NRG1: variants seen among roughly 807,000 people sequenced by gnomAD.
The protein encoded by NRG1 is neuregulin 1, also known as pro-neuregulin-1, membrane-bound isoform.
A neutral mutation model predicts 63.8 loss-of-function variants in NRG1; 18 were observed. That is an observed-to-expected ratio of 0.28 (90% CI 0.19 to 0.42). The LOEUF (loss-of-function observed/expected upper bound fraction) is 0.42. NRG1 is among the 10% of genes least tolerant of loss of function. The probability of loss-of-function intolerance (pLI) is 1.00; values close to 1 mark genes in which losing one functional copy is unlikely to be tolerated. For synonymous variants in NRG1, 302 were observed against 301.3 expected, an observed-to-expected ratio of 1.00 and a Z score of -0.02; for missense variants, 762 against 814.7, an observed-to-expected ratio of 0.94 and a Z score of 0.79.
At chr8:32,441,018 T>C (rs1819461890) in intron 1 of NRG1, among the ~76,000 whole-genome samples, 1 of 151,948 alleles carries the variant, frequency 6.6e-6, no homozygotes, top group African/African-American at 2.4e-5. Context: ...ACTCATTAAT[T>C]ACAGTTAAAT....
At chr8:32,082,817 A>T (rs1013989363) in intron 1 of NRG1, among the ~76,000 whole-genome samples, 2 of 152,128 alleles carry the variant, frequency 1.3e-5, no homozygotes, top group East Asian at 3.9e-4. Context: ...GTACAGTCAC[A>T]TTGTATATTA....
intron 1 of NRG1, among the ~76,000 whole-genome samples, chr8:32,458,633 T>C (rs1285340893): frequency 6.6e-6 from 1 of 151,320 alleles, no homozygotes; most frequent in African/African-American, 2.4e-5. Flanking sequence ...TCATACCTCT[T>C]TATGCTTTTA....
At chr8:32,296,833 T>C (rs1854941934) in intron 1 of NRG1, among the ~76,000 whole-genome samples, 1 of 152,124 alleles carries the variant, frequency 6.6e-6, no homozygotes, top group Non-Finnish European at 1.5e-5. Context: ...AACATATTTA[T>C]AGGCCGGGTG....
chr8:32,426,307 A>C (rs567640328), intron 1 of NRG1, among the ~76,000 whole-genome samples: 13 of 152,314 alleles, frequency 8.5e-5, no homozygotes, highest in African/African-American at 3.1e-4. Flanking sequence ...GTATGAATAA[A>C]GTGCTGTATT....
At chr8:32,195,896 G>A (rs565543008) in intron 1 of NRG1, among the ~76,000 whole-genome samples, 2 of 152,254 alleles carry the variant, frequency 1.3e-5, no homozygotes, top group Admixed American at 1.3e-4. Flanking sequence ...ACAGGATCCT[G>A]GAATGACTCA....
intron 1 of NRG1, among the ~76,000 whole-genome samples, chr8:32,555,042 A>G (rs1158147109): frequency 6.6e-6 from 1 of 152,068 alleles, no homozygotes; most frequent in Non-Finnish European, 1.5e-5. Flanking sequence ...TGGACCACAT[A>G]GCCCTAATTC....
chr8:31,809,235 T>C (rs781205863), intron 1 of NRG1, among the ~76,000 whole-genome samples: 75 of 151,474 alleles, frequency 5.0e-4, no homozygotes, highest in Non-Finnish European at 1.3e-4. Context: ...AAAATATGTC[T>C]AAGTGCTGGT....
chr8:32,171,446 A>G (rs903274467), intron 1 of NRG1: 4 of 152,326 alleles, frequency 2.6e-5, no homozygotes, highest in East Asian at 1.9e-4. Flanking sequence ...TGATTTCTGC[A>G]TTTCCAACTG....
At chr8:31,924,122 A>G (rs1203373822) in intron 1 of NRG1, among the ~76,000 whole-genome samples, 1 of 152,156 alleles carries the variant, frequency 6.6e-6, no homozygotes, top group Non-Finnish European at 1.5e-5. Context: ...TGGTAGGCCA[A>G]GGTGGGCAGA....
chr8:32,740,821 C>T (rs1486261873), intron 6 of NRG1, among the ~76,000 whole-genome samples: 1 of 152,134 alleles, frequency 6.6e-6, no homozygotes, highest in Non-Finnish European at 1.5e-5. Context: ...GTTCATATCT[C>T]TTTGATGCCA....
chr8:32,304,545 T>C (rs1012782073), intron 1 of NRG1, among the ~76,000 whole-genome samples: 3 of 152,150 alleles, frequency 2.0e-5, no homozygotes, highest in African/African-American at 7.2e-5. Context: ...GACAGTTTAT[T>C]TGATGATTTT....
At chr8:31,715,330 A>G (rs972069511) in intron 1 of NRG1, among the ~76,000 whole-genome samples, 9 of 152,178 alleles carry the variant, frequency 5.9e-5, no homozygotes, top group Admixed American at 5.9e-4. Flanking sequence ...AAATAAAGAA[A>G]AAATGAATCA....
chr8:32,353,495 GA>G (rs1415631660), intron 1 of NRG1, among the ~76,000 whole-genome samples: 1 of 151,924 alleles, frequency 6.6e-6, no homozygotes, highest in Non-Finnish European at 1.5e-5. Flanking sequence ...AGAAGATAAA[GA>G]AAAATGGGCA....
chr8:31,938,017 A>G lies in NRG1; in HGVS notation c.37+298586A>G, dbSNP rs187917445. Among the ~76,000 whole-genome samples, 4 of 152,260 alleles carry G rather than the reference A, an allele frequency of 2.6e-5. No individual in the cohort carries two copies. The East Asian group carries it at 5.8e-4, about 22-fold the overall frequency. On this transcript the variant is annotated intron_variant, in intron 1 of 10. Transcript: ENST00000519301. ...GCCTAAGAAACCTTAATACTCAACC[A>G]GATGTCCCTAGGGCAAGTTTGCAAC...
At chr8:31,830,151 A>G (rs969075808) in intron 1 of NRG1, among the ~76,000 whole-genome samples, 2 of 152,224 alleles carry the variant, frequency 1.3e-5, no homozygotes, top group African/African-American at 4.8e-5. Flanking sequence ...AGGAAATGAC[A>G]AATGAGTAGT....
intron 1 of NRG1, among the ~76,000 whole-genome samples, chr8:32,514,322 C>A (rs1451603981): frequency 1.3e-5 from 2 of 151,982 alleles, no homozygotes; most frequent in African/African-American, 4.8e-5. Flanking sequence ...ACTTTCATAT[C>A]TTACTTGATA....
chr8:31,834,707 T>C (rs1825535277), intron 1 of NRG1, among the ~76,000 whole-genome samples: 1 of 152,166 alleles, frequency 6.6e-6, no homozygotes, highest in Non-Finnish European at 1.5e-5. Context: ...TGAGATCCTG[T>C]CTCAAAAAAT....
intron 1 of NRG1, among the ~76,000 whole-genome samples, chr8:32,525,402 G>A (rs1830734391): frequency 6.6e-6 from 1 of 151,566 alleles, no homozygotes; most frequent in Non-Finnish European, 1.5e-5. Context: ...GTGTGTGTGT[G>A]TGTGTGTGTG....
intron 8 of NRG1, among the ~76,000 whole-genome samples, chr8:32,754,908 G>T (rs1286063062): frequency 1.3e-5 from 2 of 152,140 alleles, no homozygotes; most frequent in Non-Finnish European, 2.9e-5. Context: ...TGCATTCAGG[G>T]TGCAGTAGTA....
Sources: allele counts gnomAD v4.1 joint callset (sites outside exome capture counted in the v4.1 genomes callset), GRCh38; gene constraint gnomAD v4.1.1; transcripts MANE v1.5; gene names NCBI Gene and HGNC (gene_info 2026-07-23, HGNC 2026-07-21).